Variants in PNISR observed in about 807,000 individuals in gnomAD.
PNISR encodes arginine/serine-rich protein PNISR.
Under a neutral mutation model 93.4 loss-of-function variants are expected in PNISR, and 20 were observed. The observed-to-expected ratio is 0.21, with a 90% CI of 0.15 to 0.31. The LOEUF is 0.31. Ranked by LOEUF, PNISR falls within the 10% of genes least tolerant of loss-of-function variation. PNISR has a pLI of 1.00. For missense variants in PNISR, 893 were observed against 985.4 expected (o/e 0.91, Z 1.25); for synonymous variants, 305 against 306.5 (o/e 0.99, Z 0.05).
rs1452279570 is a variant in PNISR, at chr6:99,401,298, T to C, written c.1660A>G (p.Arg554Gly). The change falls in exon 12 of 12, where the codon AGG (arginine) becomes GGG (glycine). Residue 554 changes from arginine (R) to glycine (G), a missense_variant. Arg to Gly is a moderately radical substitution (Grantham distance 125). Coordinates refer to ENST00000369239, the MANE Select transcript of PNISR (RefSeq NM_032870.4). ...RTSSRSSSPK[R>G]KKRHSRSRSP... ...CTACTCCTACTGTGTCTCTTTTTCC[T>C]TTTAGGAGAAGAAGACCGAGAAGAA... 6.2e-7 allele frequency: 1 copy of C among 1,614,040 alleles called. No homozygotes were observed. The highest frequency in any genetic ancestry group is 1.1e-5 in the South Asian group (1 of 91,088).
Position 99,414,637 on chromosome 6 carries a change from G to A in PNISR, c.23C>T (p.Pro8Leu). 6.2e-7 allele frequency: 1 copy of A among 1,605,910 alleles called. No individual in the cohort carries two copies. The highest frequency in any genetic ancestry group is 1.1e-5 in the South Asian group (1 of 90,598). Residue 8 changes from proline to leucine, a missense_variant, in exon 3 of 12, where the codon CCT (proline) becomes CTT (leucine). Coordinates refer to ENST00000369239, the MANE Select transcript of PNISR (RefSeq NM_032870.4). ...CTGGTTCAAGGGCCACTGCTGCCAA[G>A]GCTGTCCTCCTTGATCCCACATCCC... Reference protein sequence around the residue: MWDQGGQPWQQWPLNQQQ... With the variant: MWDQGGQLWQQWPLNQQQ...
chr6:99,411,792 T>A (rs1415440598), intron 4 of PNISR: 1 of 147,390 alleles, frequency 6.8e-6, no homozygotes, highest in African/African-American at 2.6e-5. Flanking sequence ...GTTTTAAGGT[T>A]TTTTTTTTTT....
At chr6:99,405,740 A>T (rs1030115609) in intron 8 of PNISR, among the ~76,000 whole-genome samples, 7 of 152,004 alleles carry the variant, frequency 4.6e-5, no homozygotes, top group Non-Finnish European at 7.4e-5. Context: ...AATTTTTTGT[A>T]GAGACAAGGT....
intron 1 of PNISR, 55 bp downstream of exon 1, chr6:99,425,160 A>G (rs1016677768): frequency 8.6e-7 from 1 of 1,157,644 alleles, no homozygotes; most frequent in Non-Finnish European, 1.1e-6. Context: ...ACAGAAACCA[A>G]GAACGTTGTA....
intron 9 of PNISR, 94 bp from the exon 10 acceptor site, chr6:99,403,976 T>C: frequency 1.3e-6 from 1 of 781,234 alleles, no homozygotes; most frequent in South Asian, 1.6e-5. Context: ...TCTACTACTA[T>C]TGCTGCTTTT....
chr6:99,420,438 T>C (rs545893827), intron 1 of PNISR, among the ~76,000 whole-genome samples: 2 of 152,248 alleles, frequency 1.3e-5, no homozygotes, highest in Non-Finnish European at 2.9e-5. Context: ...CATAGCACAA[T>C]GCTTGATAAG....
In PNISR at chr6:99,398,649, C is replaced by A. The variant is rs140874251; in HGVS notation, c.*1891G>T. The A allele has an allele frequency of 6.6e-6, 1 of 152,068 alleles. No homozygotes were observed. Among genetic ancestry groups the A allele is most frequent in the East Asian group, 1.9e-4 (1 of 5,174 alleles). 9.4% of individuals were successfully genotyped at this position (152,068 alleles called of 1,614,324 possible). A position where few individuals can be genotyped will look rare whatever the true frequency, so the allele number is the denominator to read the frequency against. On this transcript the variant is annotated 3_prime_UTR_variant, in exon 12 of 12. Transcript: ENST00000369239. The stretch of plus-strand genomic sequence containing the variant: ...TTGCCCAAAAATGTGCATATCATAG[C>A]CAACAGAATTTTTCTGTAGAATTTT...
At chr6:99,424,719 A>C (rs955437172) in intron 1 of PNISR, among the ~76,000 whole-genome samples, 3 of 152,272 alleles carry the variant, frequency 2.0e-5, no homozygotes, top group Non-Finnish European at 4.4e-5. Context: ...AGGGTAAAAA[A>C]CTGAAATATT....
At chr6:99,415,678 C>T (rs1315771503) in intron 2 of PNISR, 1 of 152,120 alleles carries the variant, frequency 6.6e-6, no homozygotes, top group African/African-American at 2.4e-5. Flanking sequence ...TATCCCAAGG[C>T]TTAGTTCATA....
intron 1 of PNISR, among the ~76,000 whole-genome samples, chr6:99,420,513 G>A (rs1177741177): frequency 1.3e-5 from 2 of 152,134 alleles, no homozygotes; most frequent in Admixed American, 1.3e-4. Context: ...CAAGGATTTA[G>A]GAACACTACT....
At chr6:99,402,163 T>G (rs1775588559) in intron 11 of PNISR, among the ~76,000 whole-genome samples, 1 of 152,220 alleles carries the variant, frequency 6.6e-6, no homozygotes, top group Non-Finnish European at 1.5e-5. Flanking sequence ...TCTAAGTAAA[T>G]TTTCTCTTTT....
In PNISR at chr6:99,399,754, T is replaced by C. The variant is rs1775242656; in HGVS notation, c.*786A>G. 3 of 152,204 alleles carry C rather than the reference T, an allele frequency of 2.0e-5. No individual in the cohort carries two copies. The highest frequency in any genetic ancestry group is 2.0e-4 in the Admixed American group (3 of 15,272). The allele number at this position is 152,204 out of a possible 1,614,324, so 9.4% of individuals were successfully genotyped here. On this transcript the variant is annotated 3_prime_UTR_variant, in exon 12 of 12. Transcript: ENST00000369239. ...TACTTCCAAATGAAAAGTAAAGGTCTATTTCTAGCCCTCTTTCATACCCTT... is the reference window on the plus strand; with the variant it reads ...TACTTCCAAATGAAAAGTAAAGGTCCATTTCTAGCCCTCTTTCATACCCTT...
At chr6:99,415,706 G>C (rs1215537136) in intron 2 of PNISR, 1 of 152,040 alleles carries the variant, frequency 6.6e-6, no homozygotes, top group African/African-American at 2.4e-5. Context: ...TTTAATAAAT[G>C]TTTACTAAAT....
Position 99,401,069 on chromosome 6 carries a change from C to T in PNISR, c.1889G>A (p.Arg630His), listed in dbSNP as rs772822641. 29 of 1,613,608 alleles carry T rather than the reference C, an allele frequency of 1.8e-5. No individual in the cohort carries two copies. The highest frequency in any genetic ancestry group is 3.3e-5 in the Admixed American group (2 of 60,000). The change falls in exon 12 of 12, where the codon CGT becomes CAT. Residue 630 changes from arginine to histidine, a missense_variant. Physicochemically the swap from Arg to His is conservative, Grantham distance 29. Around this residue, in one of 3 missense-constraint regions of PNISR, gnomAD observed 866 missense variants for 935.1 expected, o/e 0.93. Coordinates refer to ENST00000369239, the MANE Select transcript of PNISR (RefSeq NM_032870.4). Reference protein sequence around the residue: ...RSRSRDRRTNRASRSRSRDRR... With the variant: ...RSRSRDRRTNHASRSRSRDRR... The stretch of plus-strand genomic sequence containing the variant: ...ATCTCGACTCCTACTGCGACTGGCA[C>T]GATTGGTTCGTCTATCCCTTGAGCG...
chr6:99,414,181 G>T, intron 3 of PNISR, among the ~76,000 whole-genome samples: 1 of 152,188 alleles, frequency 6.6e-6, no homozygotes, highest in East Asian at 1.9e-4. Context: ...ATGTGTGCCT[G>T]AAATAGTCCA....
intron 6 of PNISR, 121 bp from the exon 7 acceptor site, chr6:99,408,392 G>C: frequency 1.5e-6 from 1 of 660,402 alleles, no homozygotes; most frequent in South Asian, 1.9e-5. Context: ...ATCACTTTTA[G>C]TAACAGCAGG....
chr6:99,411,166 C>T (rs903323023), intron 4 of PNISR, among the ~76,000 whole-genome samples: 15 of 152,112 alleles, frequency 9.9e-5, no homozygotes, highest in African/African-American at 3.1e-4. Flanking sequence ...GAGCTAACTC[C>T]ACTCTAATTC....
intron 1 of PNISR, among the ~76,000 whole-genome samples, chr6:99,420,420 T>C (rs1403117318): frequency 1.3e-5 from 2 of 152,220 alleles, no homozygotes; most frequent in East Asian, 1.9e-4. Context: ...TTTATATATG[T>C]TTCAGCACAT....
At chr6:99,419,763 TAATTA>T (rs1778291714) in intron 1 of PNISR, among the ~76,000 whole-genome samples, 2 of 152,200 alleles carry the variant, frequency 1.3e-5, no homozygotes, top group South Asian at 4.1e-4. Context: ...CAGAATAAAA[TAATTA>T]AAAGAATACA....
Sources: gnomAD v4.1 joint callset for allele counts (sites outside exome capture counted in the v4.1 genomes callset) on GRCh38, gnomAD v4.1.1 for gene constraint, gnomAD v4.1.1 regional missense constraint, MANE v1.5 for transcripts, NCBI Gene and HGNC (gene_info 2026-07-23, HGNC 2026-07-21) for gene names.